The following NRG1 variants were observed in gnomAD, a reference collection of about 807,000 sequenced individuals.
NRG1 encodes the protein neuregulin 1, also known as pro-neuregulin-1, membrane-bound isoform.
Under a neutral mutation model 63.8 loss-of-function variants are expected in NRG1, and 18 were observed. That is an observed-to-expected ratio of 0.28 (90% CI 0.19 to 0.42). The LOEUF (loss-of-function observed/expected upper bound fraction) is 0.42. Ranked by LOEUF, NRG1 falls within the 10% of genes least tolerant of loss-of-function variation. The pLI is 1.00. For missense variants in NRG1, 762 were observed against 814.7 expected (o/e 0.94, Z 0.79); for synonymous variants, 302 against 301.3 (o/e 1.00, Z -0.02).
chr8:31,996,970 A>T (rs1812087686), intron 1 of NRG1, among the ~76,000 whole-genome samples: 1 of 151,968 alleles, frequency 6.6e-6, no homozygotes, highest in African/African-American at 2.4e-5. Flanking sequence ...AATTCTATAC[A>T]ATAGGTACAG....
chr8:31,848,983 C>G (rs1031046570), intron 1 of NRG1, among the ~76,000 whole-genome samples: 2 of 152,166 alleles, frequency 1.3e-5, no homozygotes, highest in Non-Finnish European at 2.9e-5. Context: ...TTCCACGAAA[C>G]AGATCCCTAT....
intron 1 of NRG1, among the ~76,000 whole-genome samples, chr8:31,685,764 G>A (rs536032103): frequency 2.0e-5 from 3 of 152,172 alleles, no homozygotes; most frequent in South Asian, 4.1e-4. Context: ...ATATGAAGTG[G>A]CCTTTTGTGA....
intron 1 of NRG1, among the ~76,000 whole-genome samples, chr8:32,299,705 G>T (rs1470327855): frequency 6.6e-6 from 1 of 152,112 alleles, no homozygotes; most frequent in Non-Finnish European, 1.5e-5. Context: ...AGGCGCAAAG[G>T]CACATCTTAC....
chr8:31,882,629 C>T (rs2683765), intron 1 of NRG1, among the ~76,000 whole-genome samples: 40,331 of 151,892 alleles, frequency 0.27, 7,362 homozygotes, highest in African/African-American at 0.5. Context: ...TTGTAGATGC[C>T]GTTAAGAACA....
chr8:31,812,452 G>A (rs964243953), intron 1 of NRG1, among the ~76,000 whole-genome samples: 7 of 152,148 alleles, frequency 4.6e-5, no homozygotes, highest in African/African-American at 1.7e-4. Context: ...GGGATTTCTA[G>A]GGACAGCTTA....
At chr8:32,258,768 C>T (rs929465191) in intron 1 of NRG1, among the ~76,000 whole-genome samples, 8 of 152,284 alleles carry the variant, frequency 5.3e-5, no homozygotes, top group Admixed American at 4.6e-4. Context: ...TCTCTCCACA[C>T]ATGGGGATTA....
At chr8:32,317,311 T>C (rs1466850819) in intron 1 of NRG1, among the ~76,000 whole-genome samples, 5 of 152,196 alleles carry the variant, frequency 3.3e-5, no homozygotes, top group Non-Finnish European at 5.9e-5. Flanking sequence ...TTTTAATAAC[T>C]TACTGGCCCT....
chr8:32,522,747 C>T (rs1440931815), intron 1 of NRG1, among the ~76,000 whole-genome samples: 1 of 151,622 alleles, frequency 6.6e-6, no homozygotes, highest in Non-Finnish European at 1.5e-5. Context: ...TTGTTAAAAA[C>T]AAGCAAACTC....
chr8:32,258,660 A>AC (rs1850020568), intron 1 of NRG1, among the ~76,000 whole-genome samples: 2 of 152,182 alleles, frequency 1.3e-5, no homozygotes, highest in Non-Finnish European at 2.9e-5. Flanking sequence ...TCAAACACTT[A>AC]TAAAACCATC....
chr8:32,149,266 A>G (rs778732834), intron 1 of NRG1, among the ~76,000 whole-genome samples: 4 of 152,230 alleles, frequency 2.6e-5, no homozygotes, highest in Non-Finnish European at 5.9e-5. Flanking sequence ...CTGTCTCAAA[A>G]TTATTTTATG....
At chr8:32,374,616 T>G (rs1167572760) in intron 1 of NRG1, among the ~76,000 whole-genome samples, 1 of 152,178 alleles carries the variant, frequency 6.6e-6, no homozygotes, top group African/African-American at 2.4e-5. Context: ...TCCCCTCTTC[T>G]GCCTCCCAAC....
In NRG1 at chr8:31,815,111, T is replaced by A. The variant is rs542160520; in HGVS notation, c.37+175680T>A. On this transcript the variant is annotated intron_variant, in intron 1 of 10. Transcript: ENST00000519301. ...AATATAAATAATATAAAATGTACTA[T>A]TTTTAAGTATACGATTCACTGGTAT... 7.9e-5 allele frequency among the ~76,000 whole-genome samples: 12 copies of A among 152,274 alleles called. No individual in the cohort carries two copies. In the South Asian group the frequency reaches 1.7e-3, roughly 21 times the overall value.
chr8:32,157,118 C>A (rs548440375), intron 1 of NRG1, among the ~76,000 whole-genome samples: 1 of 149,866 alleles, frequency 6.7e-6, no homozygotes, highest in African/African-American at 2.5e-5. Context: ...TACCTGTAAT[C>A]CCAGCACTTT....
intron 4 of NRG1, among the ~76,000 whole-genome samples, chr8:32,616,209 T>C (rs1339803753): frequency 6.6e-6 from 1 of 152,030 alleles, no homozygotes. Flanking sequence ...TTTTTTCTTC[T>C]TTTATCTTTG....
intron 1 of NRG1, among the ~76,000 whole-genome samples, chr8:32,089,648 C>A (rs561468173): frequency 1.9e-4 from 29 of 152,148 alleles, no homozygotes; most frequent in African/African-American, 7.0e-4. Flanking sequence ...GTGCAATGAG[C>A]AAATGCAATG....
At chr8:31,990,594 TTTG>T (rs1307557776) in intron 1 of NRG1, among the ~76,000 whole-genome samples, 3 of 152,100 alleles carry the variant, frequency 2.0e-5, no homozygotes, top group Non-Finnish European at 4.4e-5. Context: ...AGATTCTTTG[TTTG>T]TTTTCTTTAT....
rs1004033065 is a variant in NRG1 at position 31,640,766 on chromosome 8, G to A, written c.37+1335G>A. 2.7e-5 allele frequency: 40 copies of A among 1,464,578 alleles called. No homozygotes were observed. The highest frequency in any genetic ancestry group is 4.2e-5 in the South Asian group (3 of 70,848). 90.7% of individuals were successfully genotyped at this position (1,464,578 alleles called of 1,614,324 possible). On this transcript the variant is annotated intron_variant, in intron 1 of 10. Coordinates refer to the NRG1 transcript ENST00000519301. This position sits in a 1 kb window ranked among gnomAD's most constrained non-coding sequence, Gnocchi z 6.3. Reference sequence around the variant, plus strand: ...GCCCTTGGGGGCGCGAACCCGCGGCGAGGAGGGCGCATCCCGGGCGCGCGG... The same window carrying A: ...GCCCTTGGGGGCGCGAACCCGCGGCAAGGAGGGCGCATCCCGGGCGCGCGG...
At position 31,880,387 on chromosome 8, in the gene NRG1, A is replaced by G. The variant is rs1035035741; in HGVS notation, c.37+240956A>G. ...CAAACATGGGTTTTGGCAGCATACGACCATGAATTAACATTATATTTCCGC... is the reference window on the plus strand; with the variant it reads ...CAAACATGGGTTTTGGCAGCATACGGCCATGAATTAACATTATATTTCCGC... On this transcript the variant is annotated intron_variant, in intron 1 of 10. Coordinates refer to the NRG1 transcript ENST00000519301. 5.0e-4 allele frequency among the ~76,000 whole-genome samples: 76 copies of G among 152,222 alleles called. 1 individual carries two copies. Among genetic ancestry groups the G allele is most frequent in the African/African-American group, 1.6e-3 (66 of 41,516 alleles).
chr8:32,421,311 G>A (rs2129486128), intron 1 of NRG1, among the ~76,000 whole-genome samples: 1 of 152,170 alleles, frequency 6.6e-6, no homozygotes, highest in South Asian at 2.1e-4. Context: ...AATATGAGAT[G>A]TACGAAAATT....
Sources: allele counts gnomAD v4.1 joint callset (sites outside exome capture counted in the v4.1 genomes callset), GRCh38; gene constraint gnomAD v4.1.1; non-coding constraint Gnocchi (gnomAD v3.1); transcripts MANE v1.5; gene names NCBI Gene and HGNC (gene_info 2026-07-23, HGNC 2026-07-21).